The following FSTL4 variants were observed in gnomAD, a reference collection of about 807,000 sequenced individuals.
The protein encoded by FSTL4 is follistatin like 4, also known as follistatin-related protein 4.
A neutral mutation model predicts 78.2 loss-of-function variants in FSTL4; 28 were observed. That is an observed-to-expected ratio of 0.36 (90% CI 0.27 to 0.49). FSTL4 has a LOEUF of 0.49. Among genes scored for constraint, FSTL4 ranks in the 20% least tolerant of loss-of-function variants. FSTL4 has a pLI of 0.98. For missense variants in FSTL4, 922 were observed against 1,084.9 expected (o/e 0.85, Z 2.11); for synonymous variants, 422 against 440.5 (o/e 0.96, Z 0.53).
At chr5:133,305,344 G>A (rs778388418) in intron 6 of FSTL4, among the ~76,000 whole-genome samples, 3 of 152,126 alleles carry the variant, frequency 2.0e-5, no homozygotes, top group Admixed American at 6.5e-5. Context: ...TTCTGCCTCC[G>A]GGGCCCTAAC....
At chr5:133,740,887 T>A in the FSTL4 span, among the ~76,000 whole-genome samples, 94 of 152,216 alleles carry the variant, frequency 6.2e-4, no homozygotes, top group Non-Finnish European at 1.2e-3. Context: ...CTGGGCAGAA[T>A]CTGAATCCTA....
Position 133,611,891 on chromosome 5 carries a change from G to C in FSTL4, c.-11+434C>G, listed in dbSNP as rs1285155394. Among the ~76,000 whole-genome samples, 1 of 152,100 alleles carries C rather than the reference G, an allele frequency of 6.6e-6. No individual in the cohort carries two copies. Among genetic ancestry groups the C allele is most frequent in the Non-Finnish European group, 1.5e-5 (1 of 67,976 alleles). ...CCAAGGGCACCGGGCCCGGGCCGAG[G>C]GGCCGCGCTCGCCTGGCTCCGCCGG... is the stretch of plus-strand genomic sequence containing the variant. On this transcript the variant is annotated intron_variant, in intron 1 of 15. Transcript: ENST00000265342. The surrounding 1 kb of genome is among the most constrained non-coding windows in gnomAD (Gnocchi z 4.9).
chr5:133,705,857 GCA>G, the FSTL4 span, among the ~76,000 whole-genome samples: 4 of 130,588 alleles, frequency 3.1e-5, no homozygotes, highest in African/African-American at 6.3e-5. Flanking sequence ...ACACACGCGC[GCA>G]CACACACACG....
At chr5:133,547,804 C>T (rs1759614288) in intron 3 of FSTL4, among the ~76,000 whole-genome samples, 1 of 152,150 alleles carries the variant, frequency 6.6e-6, no homozygotes, top group Admixed American at 6.5e-5. Context: ...CAAAATAAAC[C>T]TCTTTTTTTA....
At chr5:133,419,069 C>T (rs747771575) in intron 3 of FSTL4, among the ~76,000 whole-genome samples, 26 of 152,292 alleles carry the variant, frequency 1.7e-4, no homozygotes, top group Non-Finnish European at 2.9e-4. Context: ...TAGAATACAT[C>T]GATAGGTTTT....
At chr5:133,590,118 T>C (rs1222559558) in intron 2 of FSTL4, among the ~76,000 whole-genome samples, 2 of 151,920 alleles carry the variant, frequency 1.3e-5, no homozygotes, top group African/African-American at 4.8e-5. Context: ...TATTTATTTA[T>C]TTATTTGAGA....
chr5:133,225,844 G>A lies in FSTL4; in HGVS notation c.1016-25C>T. 1 of 1,516,084 alleles carries A rather than the reference G, an allele frequency of 6.6e-7. No individual in the cohort carries two copies. The highest frequency in any genetic ancestry group is 8.8e-7 in the Non-Finnish European group (1 of 1,134,206). 93.9% of individuals were successfully genotyped at this position (1,516,084 alleles called of 1,614,324 possible). ...ACTGTGGGTGAGAGTCAGTGCTGGTGAGAAAGAGACGGCCCTGACCTGGAC... is the reference window on the plus strand; with the variant it reads ...ACTGTGGGTGAGAGTCAGTGCTGGTAAGAAAGAGACGGCCCTGACCTGGAC... On this transcript the variant is annotated intron_variant, in intron 8 of 15. Transcript: ENST00000265342. The surrounding 1 kb of genome is among the most constrained non-coding windows in gnomAD (Gnocchi z 4.6).
the FSTL4 span, among the ~76,000 whole-genome samples, chr5:133,762,906 C>G: frequency 6.6e-6 from 1 of 152,182 alleles, no homozygotes; most frequent in Admixed American, 6.5e-5. Flanking sequence ...GCTGCTGGAC[C>G]TGGGGAGGGT....
At chr5:133,301,673 G>A (rs1043787405) in intron 6 of FSTL4, among the ~76,000 whole-genome samples, 4 of 152,166 alleles carry the variant, frequency 2.6e-5, no homozygotes, top group East Asian at 1.9e-4. Context: ...CTGAAGCACC[G>A]TCTGACGAAA....
At chr5:133,537,808 A>G (rs1759382557) in intron 3 of FSTL4, among the ~76,000 whole-genome samples, 1 of 151,904 alleles carries the variant, frequency 6.6e-6, no homozygotes, top group South Asian at 2.1e-4. Context: ...ACACACACAC[A>G]CACACACACA....
chr5:133,347,497 C>T (rs1392513373), intron 4 of FSTL4, among the ~76,000 whole-genome samples: 1 of 152,122 alleles, frequency 6.6e-6, no homozygotes, highest in Non-Finnish European at 1.5e-5. Context: ...CAGGCGTGTG[C>T]CACCATGCCT....
chr5:133,442,803 G>A (rs1757186165), intron 3 of FSTL4, among the ~76,000 whole-genome samples: 1 of 152,172 alleles, frequency 6.6e-6, no homozygotes, highest in African/African-American at 2.4e-5. Flanking sequence ...GGCAAAGCCT[G>A]CATTATACAA....
chr5:133,732,843 G>C, the FSTL4 span, among the ~76,000 whole-genome samples: 1 of 152,224 alleles, frequency 6.6e-6, no homozygotes. Flanking sequence ...GGGGCCACCT[G>C]AGGTGGCTCA....
chr5:133,537,797 T>TACAC (rs759757767), intron 3 of FSTL4, among the ~76,000 whole-genome samples: 117 of 148,548 alleles, frequency 7.9e-4, no homozygotes, highest in South Asian at 3.4e-3. Flanking sequence ...TATATATATA[T>TACAC]ACACACACAC....
intron 6 of FSTL4, among the ~76,000 whole-genome samples, chr5:133,272,042 G>A (rs1390668934): frequency 1.3e-5 from 2 of 152,194 alleles, no homozygotes; most frequent in Non-Finnish European, 2.9e-5. Flanking sequence ...CTTCCTAAGA[G>A]CGACTCATGG....
chr5:133,427,546 G>A (rs1329198011), intron 3 of FSTL4: 5 of 493,476 alleles, frequency 1.0e-5, no homozygotes, highest in Non-Finnish European at 2.2e-5. Flanking sequence ...CTCTCCTCAT[G>A]AGTGCTTCCA....
chr5:133,275,538 C>T (rs956987318), intron 6 of FSTL4, among the ~76,000 whole-genome samples: 2 of 141,188 alleles, frequency 1.4e-5, no homozygotes, highest in African/African-American at 5.4e-5. Flanking sequence ...CTAGCCTGGG[C>T]AACAAGAGAA....
At chr5:133,200,641 G>C (rs561110702) in intron 15 of FSTL4, among the ~76,000 whole-genome samples, 4 of 152,328 alleles carry the variant, frequency 2.6e-5, no homozygotes, top group African/African-American at 9.6e-5. Flanking sequence ...TTTGGAGGCT[G>C]GTTGGAAGTA....
At chr5:133,498,148 G>C (rs752194329) in intron 3 of FSTL4, among the ~76,000 whole-genome samples, 1 of 152,218 alleles carries the variant, frequency 6.6e-6, no homozygotes, top group African/African-American at 2.4e-5. Context: ...GAGACTTCCA[G>C]ATAAATCCTC....
Sources: gnomAD v4.1 joint callset for allele counts (sites outside exome capture counted in the v4.1 genomes callset) on GRCh38, gnomAD v4.1.1 for gene constraint, Gnocchi (gnomAD v3.1) non-coding constraint, MANE v1.5 for transcripts, NCBI Gene and HGNC (gene_info 2026-07-23, HGNC 2026-07-21) for gene names.